BEND4: variants seen among roughly 807,000 people sequenced by gnomAD.
BEND4 encodes BEN domain-containing protein 4.
Under a neutral mutation model 54.7 loss-of-function variants are expected in BEND4, and 27 were observed. The observed-to-expected ratio is 0.49, with a 90% confidence interval of 0.36 to 0.68. The LOEUF is 0.68. Among genes scored for constraint, BEND4 ranks in the 30% least tolerant of loss-of-function variants. BEND4 has a pLI of 0.00. For missense variants in BEND4, 702 were observed against 697.2 expected (o/e 1.01, Z -0.08); for synonymous variants, 327 against 299.5 (o/e 1.09, Z -0.95).
chr4:42,138,383 T>C (rs1034828631), intron 3 of BEND4, among the ~76,000 whole-genome samples: 2 of 152,006 alleles, frequency 1.3e-5, no homozygotes, highest in Non-Finnish European at 2.9e-5. Context: ...CAAATTCAAA[T>C]ATACAGAGCT....
chr4:42,113,079 T>G lies in BEND4; in HGVS notation c.*4439A>C, dbSNP rs1719639516. On this transcript the variant is annotated 3_prime_UTR_variant, in exon 6 of 6. Coordinates refer to ENST00000502486, the MANE Select transcript of BEND4 (RefSeq NM_207406.4). Reference sequence around the variant, plus strand: ...TACATTAGAGTTCTGACTCAAGCACTCCATTTGACATGTTTTGCCAAACAG... The same window carrying G: ...TACATTAGAGTTCTGACTCAAGCACGCCATTTGACATGTTTTGCCAAACAG... 1 of 152,222 alleles carries G rather than the reference T, an allele frequency of 6.6e-6. No individual in the cohort carries two copies. Among genetic ancestry groups the G allele is most frequent in the African/African-American group, 2.4e-5 (1 of 41,448 alleles). The allele number at this position is 152,222 out of a possible 1,614,324, so 9.4% of individuals were successfully genotyped here.
At position 42,140,908 on chromosome 4, in the gene BEND4, T is replaced by C. The variant is rs1341658149; in HGVS notation, c.1054+2520A>G. On this transcript the variant is annotated intron_variant, in intron 3 of 5. Transcript: ENST00000502486. The stretch of plus-strand genomic sequence containing the variant: ...AAAGTCTCTGTAGCTGGATGATCTC[T>C]ACGACACGATTTTCTGCCCCAGCTA... Among the ~76,000 whole-genome samples, 2 of 152,210 alleles carry C rather than the reference T, an allele frequency of 1.3e-5. 1 individual carries two copies. Among genetic ancestry groups the C allele is most frequent in the Non-Finnish European group, 2.9e-5 (2 of 68,028 alleles).
intron 3 of BEND4, 101 bp downstream of exon 3, chr4:42,143,327 A>G: frequency 3.7e-6 from 4 of 1,086,624 alleles, no homozygotes; most frequent in Non-Finnish European, 5.4e-6. Flanking sequence ...CCACACATAC[A>G]TATACACATA....
In BEND4 at chr4:42,115,141, C is replaced by T. The variant is rs1215676960; in HGVS notation, c.*2377G>A. 6.6e-6 allele frequency: 1 copy of T among 152,242 alleles called. No individual in the cohort carries two copies. The highest frequency in any genetic ancestry group is 2.1e-4 in the South Asian group (1 of 4,830). 9.4% of individuals were successfully genotyped at this position (152,242 alleles called of 1,614,324 possible). A position where few individuals can be genotyped will look rare whatever the true frequency, so the allele number is the denominator to read the frequency against. ...GCAAAAGAGATGCCCAACAATTAGT[C>T]TCAACATTCAGAATCTGTGGATGGA... On this transcript the variant is annotated 3_prime_UTR_variant, in exon 6 of 6. Coordinates refer to ENST00000502486, the MANE Select transcript of BEND4 (RefSeq NM_207406.4).
Position 42,117,810 on chromosome 4 carries a change from G to C in BEND4, c.1388-75C>G, listed in dbSNP as rs572884507. The stretch of plus-strand genomic sequence containing the variant: ...GTTTTTGCAGAAGATGACAGGGCAG[G>C]CTGCTTAAACTTTAACAGAAGCTCT... On this transcript the variant is annotated intron_variant, in intron 5 of 5. Transcript: ENST00000502486. 68 of 1,012,466 alleles carry C rather than the reference G, an allele frequency of 6.7e-5. No homozygotes were observed. The African/African-American group carries it at 8.1e-4, about 12-fold the overall frequency. The allele number at this position is 1,012,466 out of a possible 1,614,324, so 62.7% of individuals were successfully genotyped here.
intron 3 of BEND4, among the ~76,000 whole-genome samples, chr4:42,127,994 C>A (rs762716032): frequency 6.6e-6 from 1 of 152,060 alleles, no homozygotes; most frequent in Non-Finnish European, 1.5e-5. Flanking sequence ...AAGAACATAT[C>A]TTTACAAAAA....
rs535841233 is a variant in BEND4 at position 42,112,711 on chromosome 4, G to T, written c.*4807C>A. On this transcript the variant is annotated 3_prime_UTR_variant, in exon 6 of 6. Coordinates refer to ENST00000502486, the MANE Select transcript of BEND4 (RefSeq NM_207406.4). ...AACCTGCAACTGAACATATTGTGGC[G>T]TGTGAAAGTGGTCTCTAATGTGTAC... is the stretch of plus-strand genomic sequence containing the variant. 2.0e-5 allele frequency: 3 copies of T among 152,138 alleles called. No homozygotes were observed. Among genetic ancestry groups the T allele is most frequent in the Admixed American group, 6.5e-5 (1 of 15,272 alleles). 9.4% of individuals were successfully genotyped at this position (152,138 alleles called of 1,614,324 possible).
intron 3 of BEND4, among the ~76,000 whole-genome samples, chr4:42,130,195 A>G (rs2153145772): frequency 6.6e-6 from 1 of 152,284 alleles, no homozygotes; most frequent in East Asian, 1.9e-4. Flanking sequence ...CAAAACCACA[A>G]TGAGGCTGGG....
intron 3 of BEND4, among the ~76,000 whole-genome samples, chr4:42,127,499 G>T (rs1017029230): frequency 1.3e-5 from 2 of 152,330 alleles, no homozygotes; most frequent in East Asian, 1.9e-4. Flanking sequence ...CAGTGAGGAA[G>T]AATGTGTCTC....
chr4:42,137,888 A>AT (rs1720747481), intron 3 of BEND4, among the ~76,000 whole-genome samples: 2 of 152,320 alleles, frequency 1.3e-5, no homozygotes, highest in African/African-American at 4.8e-5. Context: ...CAAAACCACT[A>AT]TAAGACACCA....
chr4:42,122,507 C>T (rs1336703614), intron 4 of BEND4, among the ~76,000 whole-genome samples: 1 of 152,136 alleles, frequency 6.6e-6, no homozygotes, highest in Non-Finnish European at 1.5e-5. Context: ...CAGCAGACAC[C>T]CAGTAATGGT....
chr4:42,130,140 T>C (rs1275492803), intron 3 of BEND4, among the ~76,000 whole-genome samples: 3 of 151,932 alleles, frequency 2.0e-5, no homozygotes, highest in East Asian at 1.9e-4. Context: ...CCAACAAACA[T>C]ATGAAAAAAA....
Position 42,128,960 on chromosome 4 carries a change from T to C in BEND4, c.1055-3286A>G, listed in dbSNP as rs77889391. ...CCCAAAAAAAAAGAAAAAGAAAGCTTATTCAAATAGGAAGAGAGGAAGCCA... is the reference window on the plus strand; with the variant it reads ...CCCAAAAAAAAAGAAAAAGAAAGCTCATTCAAATAGGAAGAGAGGAAGCCA... On this transcript the variant is annotated intron_variant, in intron 3 of 5. Transcript: ENST00000502486. Among the ~76,000 whole-genome samples the C allele has an allele frequency of 3.2e-4, 48 of 152,218 alleles. No individual in the cohort carries two copies. In the East Asian group the frequency reaches 8.1e-3, roughly 26 times the overall value.
Position 42,112,248 on chromosome 4 carries a change from G to C in BEND4, c.*5270C>G, listed in dbSNP as rs1468860359. 1 of 152,178 alleles carries C rather than the reference G, an allele frequency of 6.6e-6. No individual in the cohort carries two copies. Among genetic ancestry groups the C allele is most frequent in the Non-Finnish European group, 1.5e-5 (1 of 68,034 alleles). 9.4% of individuals were successfully genotyped at this position (152,178 alleles called of 1,614,324 possible). A position where few individuals can be genotyped will look rare whatever the true frequency, so the allele number is the denominator to read the frequency against. On this transcript the variant is annotated 3_prime_UTR_variant, in exon 6 of 6. Coordinates refer to ENST00000502486, the MANE Select transcript of BEND4 (RefSeq NM_207406.4). ...TTCCTTATCAATACAATGGGGATAAGAACAGTAACAGCCTCATAGGGTAGC... is the reference window on the plus strand; with the variant it reads ...TTCCTTATCAATACAATGGGGATAACAACAGTAACAGCCTCATAGGGTAGC...
chr4:42,145,490 G>A (rs1243262750), intron 2 of BEND4, among the ~76,000 whole-genome samples: 3 of 151,924 alleles, frequency 2.0e-5, no homozygotes, highest in South Asian at 2.1e-4. Context: ...GTGGGAGATC[G>A]AGACCATCCT....
rs547205885 is a variant in BEND4, at chr4:42,133,371, T to G, written c.1055-7697A>C. Among the ~76,000 whole-genome samples the G allele has an allele frequency of 8.5e-5, 13 of 152,312 alleles. No homozygotes were observed. In the South Asian group the frequency reaches 2.7e-3, roughly 32 times the overall value. On this transcript the variant is annotated intron_variant, in intron 3 of 5. Transcript: ENST00000502486. ...GGGATGTTATTTAAAGCCACACACA[T>G]AGGGTCTTTAAGACATTCTATGGTA...
intron 2 of BEND4, among the ~76,000 whole-genome samples, chr4:42,146,502 C>T (rs763029014): frequency 1.3e-5 from 2 of 152,122 alleles, no homozygotes; most frequent in Non-Finnish European, 2.9e-5. Flanking sequence ...TATTTGGGTG[C>T]CATTTATTTA....
chr4:42,147,414 A>G (rs1345758236), intron 2 of BEND4, among the ~76,000 whole-genome samples: 4 of 152,034 alleles, frequency 2.6e-5, no homozygotes, highest in Admixed American at 1.3e-4. Flanking sequence ...TACAAACACA[A>G]TTGAATGGCT....
intron 3 of BEND4, among the ~76,000 whole-genome samples, chr4:42,133,727 C>CAT (rs1720590443): frequency 2.0e-5 from 3 of 152,116 alleles, no homozygotes; most frequent in Non-Finnish European, 4.4e-5. Flanking sequence ...TGGTGGTGGG[C>CAT]GCCTGTAGTC....
Sources: gnomAD v4.1 joint callset for allele counts (sites outside exome capture counted in the v4.1 genomes callset) on GRCh38, gnomAD v4.1.1 for gene constraint, MANE v1.5 for transcripts, NCBI Gene and HGNC (gene_info 2026-07-23, HGNC 2026-07-21) for gene names.